Variants in PIEZO2 observed in about 807,000 individuals in gnomAD.
The protein encoded by PIEZO2 is piezo type mechanosensitive ion channel component 2.
Under a neutral mutation model 337.3 loss-of-function variants are expected in PIEZO2, and 172 were observed. The ratio of observed to expected loss-of-function variants is 0.51; its 90% confidence interval spans 0.45 to 0.58. PIEZO2 has a LOEUF of 0.58. Ranked by LOEUF, PIEZO2 falls within the 20% of genes least tolerant of loss-of-function variation. PIEZO2 has a pLI of 0.00. For synonymous variants in PIEZO2, 1,251 were observed against 1,228.5 expected (o/e 1.02, Z -0.38); for missense variants, 3,028 against 3,391.3 (o/e 0.89, Z 2.66).
At chr18:10,890,356 A>G (rs557164548) in intron 4 of PIEZO2, 1 of 152,270 alleles carries the variant, frequency 6.6e-6, no homozygotes, top group South Asian at 2.1e-4. Context: ...AGCATTTGCC[A>G]TTTTTTTCAG....
intron 44 of PIEZO2, 132 bp from the exon 45 acceptor site, chr18:10,698,012 C>CGGATGCATTCGTGAACAATTACTGA: frequency 9.4e-7 from 1 of 1,062,350 alleles, no homozygotes; most frequent in Non-Finnish European, 1.3e-6. Context: ...TGAGTATGCA[C>CGGATGCATTCGTGAACAATTACTGA]GGCCTTGGGA....
At chr18:10,714,712 C>A in intron 39 of PIEZO2, 52 bp downstream of exon 39, 2 of 1,514,380 alleles carry the variant, frequency 1.3e-6, no homozygotes, top group Non-Finnish European at 1.8e-6. Context: ...TTGATGACAT[C>A]CACCTCATTT....
rs2041495327 is a variant in PIEZO2, at chr18:10,850,041, AC to A, written c.917+5311del. ...TTGGGAAGAATAATCTCAATTTCAG[AC>A]CCAGTATCTTAACCTCCCCTAAGTA... is the stretch of plus-strand genomic sequence containing the variant. On this transcript the variant is annotated intron_variant, in intron 7 of 55. Transcript: ENST00000674853. This position sits in a 1 kb window ranked among gnomAD's most constrained non-coding sequence, Gnocchi z 4.5. Among the ~76,000 whole-genome samples, 1 of 152,156 alleles carries A rather than the reference AC, an allele frequency of 6.6e-6. No individual in the cohort carries two copies. The highest frequency in any genetic ancestry group is 1.5e-5 in the Non-Finnish European group (1 of 68,030).
rs529459915 is a variant in PIEZO2 at position 10,672,311 on chromosome 18, G to A, written c.8345+379C>T. On this transcript the variant is annotated intron_variant, in intron 55 of 55. Transcript: ENST00000674853. This position sits in a 1 kb window ranked among gnomAD's most constrained non-coding sequence, Gnocchi z 4.7. ...TAGGATTTAAGCATCAGAACATGAT[G>A]CGATGTTTCAGAAGTTCAAAAGCAG... is the stretch of plus-strand genomic sequence containing the variant. Among the ~76,000 whole-genome samples the A allele has an allele frequency of 1.1e-4, 17 of 152,268 alleles. 1 individual carries two copies. Among genetic ancestry groups the A allele is most frequent in the Middle Eastern group, 6.8e-3 (2 of 294 alleles).
chr18:11,069,322 C>CCTTCATCATG lies in PIEZO2; in HGVS notation c.65-3110_65-3101dup, dbSNP rs1237080623. Among the ~76,000 whole-genome samples the CCTTCATCATG allele has an allele frequency of 6.6e-6, 1 of 152,120 alleles. No homozygotes were observed. The highest frequency in any genetic ancestry group is 1.5e-5 in the Non-Finnish European group (1 of 68,012). ...CCACTCGGCAATGCATTAAAAGCCTCCTTCATCATGATCAAGTGGGCTTTA... is the reference window on the plus strand; with the variant it reads ...CCACTCGGCAATGCATTAAAAGCCTCCTTCATCATGCTTCATCATGATCAAGTGGGCTTTA... On this transcript the variant is annotated intron_variant, in intron 1 of 55. Coordinates refer to ENST00000674853, the MANE Select transcript of PIEZO2 (RefSeq NM_001378183.1). This position sits in a 1 kb window ranked among gnomAD's most constrained non-coding sequence, Gnocchi z 4.9.
intron 7 of PIEZO2, among the ~76,000 whole-genome samples, chr18:10,818,432 A>G (rs886172170): frequency 2.6e-5 from 4 of 152,218 alleles, no homozygotes; most frequent in Admixed American, 2.0e-4. Context: ...TGTATACCCA[A>G]TATTTTCCTG....
chr18:10,718,022 T>C (rs1328025781), intron 37 of PIEZO2, among the ~76,000 whole-genome samples, 178 bp downstream of exon 37: 1 of 152,232 alleles, frequency 6.6e-6, no homozygotes, highest in Non-Finnish European at 1.5e-5. Context: ...AGACCTACTT[T>C]TAAGAGTCAT....
Position 10,697,799 on chromosome 18 carries a change from A to G in PIEZO2, c.6776T>C (p.Met2259Thr), listed in dbSNP as rs780202686. ...IKQKGKRELYMEKLQEHLIKA... is the reference protein window; with the variant it reads ...IKQKGKRELYTEKLQEHLIKA... Reference sequence around the variant, plus strand: ...GATTAAATGTTCTTGAAGCTTTTCCATATAAAGTTCCCTTTTGCCTTTTTG... The same window carrying G: ...GATTAAATGTTCTTGAAGCTTTTCCGTATAAAGTTCCCTTTTGCCTTTTTG... Residue 2259 changes from methionine to threonine, a missense_variant, in exon 45 of 56, where the codon ATG becomes ACG. Transcript: ENST00000674853. 2.0e-5 allele frequency: 32 copies of G among 1,614,118 alleles called. No individual in the cohort carries two copies. In the East Asian group the frequency reaches 5.1e-4, roughly 26 times the overall value.
chr18:10,725,612 G>A (rs761901717), intron 36 of PIEZO2: 30 of 1,306,142 alleles, frequency 2.3e-5, no homozygotes, highest in Non-Finnish European at 2.9e-5. Flanking sequence ...AGCCGCCTCC[G>A]CCCTCTGGCT....
rs1452082839 is a variant in PIEZO2, at chr18:10,929,582, T to C, written c.287-18354A>G. On this transcript the variant is annotated intron_variant, in intron 3 of 55. Transcript: ENST00000674853. This position sits in a 1 kb window ranked among gnomAD's most constrained non-coding sequence, Gnocchi z 5.6. ...CACAGCCTTTGAGGGGCTGAGAAGT[T>C]ATTGGCAAGACTGTGAGAGGAAAAT... Among the ~76,000 whole-genome samples the C allele has an allele frequency of 6.6e-6, 1 of 152,162 alleles. No individual in the cohort carries two copies. Among genetic ancestry groups the C allele is most frequent in the Non-Finnish European group, 1.5e-5 (1 of 68,042 alleles).
At chr18:10,957,680 C>A (rs2033600741) in intron 3 of PIEZO2, among the ~76,000 whole-genome samples, 3 of 152,054 alleles carry the variant, frequency 2.0e-5, no homozygotes, top group African/African-American at 7.2e-5. Flanking sequence ...TTGCATCAAA[C>A]CAAAAAGCTT....
chr18:11,063,018 C>A (rs557036408), intron 2 of PIEZO2, among the ~76,000 whole-genome samples: 1 of 152,128 alleles, frequency 6.6e-6, no homozygotes, highest in South Asian at 2.1e-4. Flanking sequence ...ACCAAATGTC[C>A]AACAATGATA....
At chr18:11,130,448 A>C (rs2040307891) in intron 1 of PIEZO2, among the ~76,000 whole-genome samples, 1 of 152,204 alleles carries the variant, frequency 6.6e-6, no homozygotes, top group Non-Finnish European at 1.5e-5. Context: ...CCTACCTCAG[A>C]GGTATATCAA....
rs959741684 is a variant in PIEZO2 at position 11,148,377 on chromosome 18, T to G, written c.64+148A>C. ...AGAGTGGGAAGTGAGAGAGCCAGGC[T>G]GTGCACCAGGGACAGCGCGCGTCTG... On this transcript the variant is annotated intron_variant, in intron 1 of 55. Coordinates refer to ENST00000674853, the MANE Select transcript of PIEZO2 (RefSeq NM_001378183.1). The surrounding 1 kb of genome is among the most constrained non-coding windows in gnomAD (Gnocchi z 5.2). 1 of 855,348 alleles carries G rather than the reference T, an allele frequency of 1.2e-6. No homozygotes were observed. Among genetic ancestry groups the G allele is most frequent in the Middle Eastern group, 2.2e-4 (1 of 4,446 alleles). The allele number at this position is 855,348 out of a possible 1,614,324, so 53.0% of individuals were successfully genotyped here. A position where few individuals can be genotyped will look rare whatever the true frequency, so the allele number is the denominator to read the frequency against.
chr18:10,714,117 C>T (rs2035920968), intron 39 of PIEZO2, among the ~76,000 whole-genome samples: 1 of 152,106 alleles, frequency 6.6e-6, no homozygotes, highest in Non-Finnish European at 1.5e-5. Flanking sequence ...CTTAATCTCC[C>T]TGTAACCGAA....
At chr18:10,868,887 C>G (rs1223245976) in intron 5 of PIEZO2, among the ~76,000 whole-genome samples, 5 of 152,136 alleles carry the variant, frequency 3.3e-5, no homozygotes. Context: ...AGCATTTGTC[C>G]TTGGTCATGT....
chr18:11,106,178 C>G (rs1197756709), intron 1 of PIEZO2, among the ~76,000 whole-genome samples: 4 of 152,052 alleles, frequency 2.6e-5, no homozygotes, highest in Admixed American at 2.0e-4. Context: ...GCTCCGCCTC[C>G]CGGGTTCACG....
chr18:10,680,228 G>A lies in PIEZO2; in HGVS notation c.7923C>T (p.Phe2641=). ...GAATACTCCATGAAAAAACAACAGA[G>A]AAGCTACTATTGGGGTCCAGGAGTT... ...IHELLDPNSS[F]SVVFSWSIQR... is the part of the protein sequence containing the mutation. The change falls in exon 52 of 56, where the codon TTC becomes TTT. Residue 2641 remains phenylalanine, a synonymous_variant. Transcript: ENST00000674853. 6.2e-7 allele frequency: 1 copy of A among 1,613,526 alleles called. No individual in the cohort carries two copies. The highest frequency in any genetic ancestry group is 8.5e-7 in the Non-Finnish European group (1 of 1,179,684).
intron 2 of PIEZO2, among the ~76,000 whole-genome samples, chr18:11,061,207 C>A (rs906654789): frequency 2.0e-5 from 3 of 151,170 alleles, no homozygotes; most frequent in African/African-American, 4.8e-5. Context: ...ATTCAACAAC[C>A]CTTCATGCTA....
Sources: allele counts gnomAD v4.1 joint callset (sites outside exome capture counted in the v4.1 genomes callset), GRCh38; gene constraint gnomAD v4.1.1; non-coding constraint Gnocchi (gnomAD v3.1); transcripts MANE v1.5; gene names NCBI Gene and HGNC (gene_info 2026-07-23, HGNC 2026-07-21).